Variants in PHIP observed in about 807,000 individuals in gnomAD.
The protein encoded by PHIP is PH-interacting protein.
In PHIP, 54 loss-of-function variants were observed where a neutral mutation model predicts 236.8. That is an observed-to-expected ratio of 0.23 (90% CI 0.18 to 0.29). The LOEUF is 0.29. Ranked by LOEUF, PHIP falls within the 10% of genes least tolerant of loss-of-function variation. PHIP has a pLI of 1.00. For missense variants in PHIP, 1,370 were observed against 2,190.8 expected (o/e 0.63, Z 7.48); for synonymous variants, 756 against 718.9 (o/e 1.05, Z -0.83).
intron 25 of PHIP, 76 bp from the exon 26 acceptor site, chr6:78,970,249 A>G: frequency 7.7e-7 from 1 of 1,298,124 alleles, no homozygotes; most frequent in Non-Finnish European, 1.1e-6. Context: ...ATTGTTGAGA[A>G]AAAACTTCTT....
chr6:78,992,107 C>A (rs1324461218), intron 19 of PHIP, among the ~76,000 whole-genome samples: 1 of 151,454 alleles, frequency 6.6e-6, no homozygotes, highest in Non-Finnish European at 1.5e-5. Flanking sequence ...GGACTACATG[C>A]GTCCGCCACC....
intron 35 of PHIP, 152 bp from the exon 36 acceptor site, chr6:78,947,927 T>C: frequency 2.2e-6 from 1 of 447,844 alleles, no homozygotes; most frequent in Non-Finnish European, 4.0e-6. Context: ...CCCTTTTTTC[T>C]AATAATTCTT....
At chr6:78,978,405 C>T (rs1768266825) in intron 24 of PHIP, among the ~76,000 whole-genome samples, 187 bp downstream of exon 24, 1 of 152,086 alleles carries the variant, frequency 6.6e-6, no homozygotes. Context: ...TTCAGATTTA[C>T]AGCAGCTTCA....
intron 6 of PHIP, among the ~76,000 whole-genome samples, chr6:79,059,508 GATT>G (rs1773247091): frequency 6.7e-6 from 1 of 148,954 alleles, no homozygotes; most frequent in East Asian, 2.0e-4. Context: ...ATAAAACACA[GATT>G]ATCATATTGT....
chr6:79,000,824 T>C (rs1043314514), intron 17 of PHIP, among the ~76,000 whole-genome samples: 10 of 152,084 alleles, frequency 6.6e-5, no homozygotes, highest in African/African-American at 2.4e-4. Flanking sequence ...AAACTCCAGA[T>C]AAGTCCACTG....
intron 4 of PHIP, among the ~76,000 whole-genome samples, chr6:79,073,633 A>G (rs1166908486): frequency 2.0e-5 from 3 of 152,032 alleles, no homozygotes; most frequent in Non-Finnish European, 4.4e-5. Context: ...ATCAGCACAC[A>G]CTAAATAAAT....
intron 22 of PHIP, among the ~76,000 whole-genome samples, chr6:78,985,132 A>T (rs2127719758): frequency 6.6e-6 from 1 of 152,260 alleles, no homozygotes; most frequent in East Asian, 1.9e-4. Flanking sequence ...TACTAAGATG[A>T]TAAAGTTAAA....
At position 79,030,556 on chromosome 6, in the gene PHIP, C is replaced by T. The variant is rs139112193; in HGVS notation, c.601-4392G>A. On this transcript the variant is annotated intron_variant, in intron 7 of 39. Transcript: ENST00000275034. ...ATGCCTGTTAAGAGTTTGTATTTAA[C>T]CTGCTGAGGTAGTCACTAGACAATT... 6.3e-4 allele frequency among the ~76,000 whole-genome samples: 96 copies of T among 152,254 alleles called. 1 individual carries two copies. The South Asian group carries it at 7.9e-3, about 13-fold the overall frequency.
intron 27 of PHIP, 67 bp downstream of exon 27, chr6:78,969,768 T>G (rs756956690): frequency 9.9e-6 from 7 of 705,740 alleles, no homozygotes; most frequent in Middle Eastern, 2.5e-4. Flanking sequence ...TTATGAAAAA[T>G]AGTAAATCAC....
At chr6:79,020,647 A>G (rs1421199079) in intron 9 of PHIP, among the ~76,000 whole-genome samples, 1 of 152,224 alleles carries the variant, frequency 6.6e-6, no homozygotes, top group Non-Finnish European at 1.5e-5. Context: ...ACCATTTTTA[A>G]AAGGTTTTTA....
rs1770136911 is a variant in PHIP, at chr6:79,003,716, T to A, written c.1653+14A>T. ...AAAAAAATAAGGACATGATATATAG[T>A]CATCATACTCTACCTTGTCATATTT... On this transcript the variant is annotated intron_variant, in intron 16 of 39. Coordinates refer to ENST00000275034, the MANE Select transcript of PHIP (RefSeq NM_017934.7). 1 of 1,584,044 alleles carries A rather than the reference T, an allele frequency of 6.3e-7. No individual in the cohort carries two copies. The highest frequency in any genetic ancestry group is 1.2e-5 in the South Asian group (1 of 85,858).
At chr6:78,983,162 T>A (rs751175002) in intron 22 of PHIP, 45 bp from the exon 23 acceptor site, 15 of 999,284 alleles carry the variant, frequency 1.5e-5, no homozygotes, top group Non-Finnish European at 2.9e-6. Flanking sequence ...AAGATAAAAT[T>A]TTAAGACTTG....
intron 15 of PHIP, among the ~76,000 whole-genome samples, chr6:79,008,583 T>C (rs1283616087): frequency 9.0e-6 from 1 of 111,364 alleles, no homozygotes; most frequent in Non-Finnish European, 2.1e-5. Context: ...TGACACACCC[T>C]CTTAAGGATT....
rs143991705 is a variant in PHIP, at chr6:79,028,554, G to A, written c.601-2390C>T. 3.8e-3 allele frequency among the ~76,000 whole-genome samples: 578 copies of A among 152,236 alleles called. 8 individuals carry two copies. The highest frequency in any genetic ancestry group is 2.2e-3 in the Non-Finnish European group (148 of 68,004). Reference sequence around the variant, plus strand: ...AGAAAGCTGGTCTATACGCACATCGGAAACACATTAGGGATTTGCTGAGTA... The same window carrying A: ...AGAAAGCTGGTCTATACGCACATCGAAAACACATTAGGGATTTGCTGAGTA... On this transcript the variant is annotated intron_variant, in intron 7 of 39. Transcript: ENST00000275034.
intron 24 of PHIP, among the ~76,000 whole-genome samples, chr6:78,972,173 G>A (rs977439814): frequency 1.3e-5 from 2 of 152,180 alleles, no homozygotes; most frequent in African/African-American, 4.8e-5. Context: ...GTACGCAGCT[G>A]GAGATATGAG....
chr6:79,003,477 T>C (rs1234450760), intron 16 of PHIP, among the ~76,000 whole-genome samples: 1 of 152,066 alleles, frequency 6.6e-6, no homozygotes, highest in Admixed American at 6.6e-5. Context: ...CAATCTAGAT[T>C]GCCCCAGGAG....
chr6:78,994,520 T>G (rs950349183), intron 19 of PHIP, among the ~76,000 whole-genome samples: 2 of 152,092 alleles, frequency 1.3e-5, no homozygotes, highest in East Asian at 3.9e-4. Context: ...GATGTTGCGG[T>G]GAGCCGAGAT....
In PHIP at chr6:78,941,029, A is replaced by G; in HGVS notation, c.5130T>C (p.Asn1710=). 6.2e-7 allele frequency: 1 copy of G among 1,613,964 alleles called. No individual in the cohort carries two copies. The highest frequency in any genetic ancestry group is 8.5e-7 in the Non-Finnish European group (1 of 1,179,888). ...TCCTTTTGGGCTTCCTACCTCCACG[A>G]TTCTTTTTCTGTAACAAATCTTCCT... The part of the protein sequence containing the change: ...NVKEDLLQKK[N]RGGRKPKRKM... The change falls in exon 40 of 40, where the codon AAT becomes AAC. Residue 1710 remains asparagine, a synonymous_variant. Coordinates refer to ENST00000275034, the MANE Select transcript of PHIP (RefSeq NM_017934.7).
chr6:78,949,380 A>G (rs1774010149), intron 35 of PHIP, among the ~76,000 whole-genome samples: 1 of 152,094 alleles, frequency 6.6e-6, no homozygotes, highest in African/African-American at 2.4e-5. Flanking sequence ...AATCCCAAGT[A>G]TAAAGCCACA....
Sources: gnomAD v4.1 joint callset for allele counts (sites outside exome capture counted in the v4.1 genomes callset) on GRCh38, gnomAD v4.1.1 for gene constraint, MANE v1.5 for transcripts, NCBI Gene and HGNC (gene_info 2026-07-23, HGNC 2026-07-21) for gene names.